Variants in GRIP1 observed in about 807,000 individuals in gnomAD.
GRIP1 encodes the protein glutamate receptor interacting protein 1.
In GRIP1, 45 loss-of-function variants were observed where a neutral mutation model predicts 129.9. That is an observed-to-expected ratio of 0.35 (90% confidence interval 0.27 to 0.44). The LOEUF (loss-of-function observed/expected upper bound fraction) is 0.44. GRIP1 is among the 20% of genes least tolerant of loss of function. The pLI is 1.00. For missense variants in GRIP1, 1,196 were observed against 1,396.8 expected, an observed-to-expected ratio of 0.86 and a Z score of 2.29; for synonymous variants, 530 against 520.8, an observed-to-expected ratio of 1.02 and a Z score of -0.24.
intron 1 of GRIP1, among the ~76,000 whole-genome samples, chr12:66,907,000 C>T (rs1197252017): frequency 1.3e-5 from 2 of 152,210 alleles, no homozygotes; most frequent in African/African-American, 2.4e-5. Flanking sequence ...AACTAAACTA[C>T]AAACTTTGTC....
rs753162524 is a variant in GRIP1 at position 66,394,294 on chromosome 12, C to T, written c.2043G>A (p.Gly681=). The change falls in exon 17 of 25, where the codon GGG becomes GGA. Residue 681 remains glycine (G), a synonymous_variant. Transcript: ENST00000359742. ...TTCCTGAAATTGTGATGCCAAGGGG[C>T]CCCCCGTAGCGTTTAAGCTCCACGG... ...IYTVELKRYG[G]PLGITISGTE... is the part of the protein sequence containing the mutation. 7 of 1,613,070 alleles carry T rather than the reference C, an allele frequency of 4.3e-6. No individual in the cohort carries two copies. The highest frequency in any genetic ancestry group is 2.7e-5 in the African/African-American group (2 of 74,884).
At position 66,349,054 on chromosome 12, in the gene GRIP1, T is replaced by C; in HGVS notation, c.3352A>G (p.Asn1118Asp). ...AFFQQPSHGG[N>D]LETREPTNTL ...TTAGTGGGTTCTCGTGTCTCCAAAT[T>C]ACCACCGTGGCTAGGCTGCTGGAAA... The change falls in exon 25 of 25, where the codon AAT becomes GAT. Residue 1118 changes from asparagine (N) to aspartate (D), a missense_variant. This residue lies in a region of GRIP1 where 427 missense variants were observed against 463.3 expected (regional missense o/e 0.92). Transcript: ENST00000359742. 6.2e-7 allele frequency: 1 copy of C among 1,613,974 alleles called. No individual in the cohort carries two copies. Among genetic ancestry groups the C allele is most frequent in the Non-Finnish European group, 8.5e-7 (1 of 1,179,802 alleles).
At chr12:66,471,409 T>C (rs1320225823) in intron 7 of GRIP1, among the ~76,000 whole-genome samples, 1 of 152,202 alleles carries the variant, frequency 6.6e-6, no homozygotes, top group East Asian at 1.9e-4. Flanking sequence ...GACTGCTTAA[T>C]GGATACAAGG....
rs117850774 is a variant in GRIP1 at position 67,000,897 on chromosome 12, G to A, written c.58+68153C>T. On this transcript the variant is annotated intron_variant, in intron 1 of 1. Coordinates refer to the GRIP1 transcript ENST00000643019. ...ACAATGAAAACTGTTTCAGGATAAG[G>A]ATGCCCCACGCAATATTTGGGTAAT... Among the ~76,000 whole-genome samples the A allele has an allele frequency of 6.9e-3, 1,052 of 152,214 alleles. 6 individuals carry two copies. Among genetic ancestry groups the A allele is most frequent in the Middle Eastern group, 0.027 (8 of 294 alleles).
chr12:66,533,928 G>C (rs975329304), intron 4 of GRIP1, among the ~76,000 whole-genome samples: 1 of 150,276 alleles, frequency 6.7e-6, no homozygotes, highest in African/African-American at 2.4e-5. Flanking sequence ...TCTGAACTCT[G>C]TGGTTAGCTG....
At chr12:66,524,271 G>C (rs1250073458) in intron 5 of GRIP1, among the ~76,000 whole-genome samples, 1 of 152,086 alleles carries the variant, frequency 6.6e-6, no homozygotes, top group Non-Finnish European at 1.5e-5. Flanking sequence ...TGACCACATA[G>C]TTGGAAGTAA....
chr12:66,470,968 C>A (rs1289679182), intron 7 of GRIP1, among the ~76,000 whole-genome samples: 1 of 152,156 alleles, frequency 6.6e-6, no homozygotes, highest in African/African-American at 2.4e-5. Flanking sequence ...TTCAGTGAAC[C>A]CACAAGGACG....
At chr12:66,632,638 C>A (rs1200144974) in intron 1 of GRIP1, among the ~76,000 whole-genome samples, 2 of 152,166 alleles carry the variant, frequency 1.3e-5, no homozygotes, top group African/African-American at 4.8e-5. Flanking sequence ...TTATAAAATT[C>A]TTTGGTCTCA....
chr12:66,505,344 C>G (rs1021485019), intron 7 of GRIP1, among the ~76,000 whole-genome samples: 3 of 152,162 alleles, frequency 2.0e-5, no homozygotes, highest in Non-Finnish European at 2.9e-5. Context: ...AGAGAGCAGA[C>G]AGCAAGGAAA....
At chr12:66,588,131 G>C (rs766798370) in intron 2 of GRIP1, among the ~76,000 whole-genome samples, 4 of 151,566 alleles carry the variant, frequency 2.6e-5, no homozygotes, top group Non-Finnish European at 4.4e-5. Context: ...GGTTTTAAAG[G>C]GGAAACATAA....
At chr12:66,378,476 G>C (rs572056008) in intron 20 of GRIP1, among the ~76,000 whole-genome samples, 1 of 146,826 alleles carries the variant, frequency 6.8e-6, no homozygotes, top group Non-Finnish European at 1.5e-5. Context: ...GGCTGGGCAC[G>C]GTGGCTCACA....
rs1307050056 is a variant in GRIP1 at position 66,904,668 on chromosome 12, G to A, written c.58+164382C>T. Among the ~76,000 whole-genome samples, 4 of 152,258 alleles carry A rather than the reference G, an allele frequency of 2.6e-5. No homozygotes were observed. In the East Asian group the frequency reaches 5.8e-4, roughly 22 times the overall value. ...AGCATTTTGGGAGGCCAAGGTAGGC[G>A]GATCAAGAGGTCAAGAGATCAAGAC... On this transcript the variant is annotated intron_variant, in intron 1 of 1. Coordinates refer to the GRIP1 transcript ENST00000643019.
intron 1 of GRIP1, among the ~76,000 whole-genome samples, chr12:66,999,573 G>T (rs2042520450): frequency 6.6e-6 from 1 of 152,180 alleles, no homozygotes; most frequent in African/African-American, 2.4e-5. Context: ...AGAAAGAGAA[G>T]ATTAAGTAAG....
intron 5 of GRIP1, among the ~76,000 whole-genome samples, chr12:66,528,246 T>C (rs1429820150): frequency 6.7e-6 from 1 of 149,348 alleles, no homozygotes; most frequent in Non-Finnish European, 1.5e-5. Flanking sequence ...ACCATTCTCC[T>C]GCCTCAGCCT....
At chr12:66,717,121 A>G (rs561167326) in intron 1 of GRIP1, among the ~76,000 whole-genome samples, 1 of 152,280 alleles carries the variant, frequency 6.6e-6, no homozygotes, top group South Asian at 2.1e-4. Context: ...GTTACCCTAG[A>G]AAGAAAAGTC....
intron 5 of GRIP1, among the ~76,000 whole-genome samples, chr12:66,522,401 C>T (rs1004736350): frequency 1.3e-5 from 2 of 152,224 alleles, no homozygotes; most frequent in African/African-American, 2.4e-5. Context: ...CTGCGGCCAC[C>T]GCTGCTGATA....
chr12:66,578,822 C>T (rs997843763), intron 2 of GRIP1, among the ~76,000 whole-genome samples: 6 of 152,316 alleles, frequency 3.9e-5, no homozygotes, highest in South Asian at 2.1e-4. Context: ...CTCCACCTCT[C>T]GGGGCAGGGC....
chr12:66,661,490 G>GA (rs200071628), intron 1 of GRIP1, among the ~76,000 whole-genome samples: 2,237 of 146,752 alleles, frequency 0.015, 83 homozygotes, highest in African/African-American at 0.054. Flanking sequence ...GGGGAGATGG[G>GA]AAAAAAAATA....
At chr12:66,862,083 T>C (rs1177447241) in intron 1 of GRIP1, among the ~76,000 whole-genome samples, 1 of 151,942 alleles carries the variant, frequency 6.6e-6, no homozygotes, top group Non-Finnish European at 1.5e-5. Flanking sequence ...TAATGATGAG[T>C]GCTAGGAAAT....
Sources: allele counts gnomAD v4.1 joint callset (sites outside exome capture counted in the v4.1 genomes callset), GRCh38; gene constraint gnomAD v4.1.1; regional missense constraint gnomAD v4.1.1; transcripts MANE v1.5; gene names NCBI Gene and HGNC (gene_info 2026-07-23, HGNC 2026-07-21).